HEATR4: variants seen among roughly 807,000 people sequenced by gnomAD.
HEATR4 encodes HEAT repeat-containing protein 4.
In HEATR4, 95 loss-of-function variants were observed where a neutral mutation model predicts 108.8. The ratio of observed to expected loss-of-function variants is 0.87; its 90% CI spans 0.74 to 1.04. HEATR4 has a LOEUF of 1.04. HEATR4 is among the 50% of genes least tolerant of loss of function. The pLI is 0.00. For synonymous variants in HEATR4, 443 were observed against 459.4 expected, an observed-to-expected ratio of 0.96 and a Z score of 0.46; for missense variants, 1,152 against 1,253.8, an observed-to-expected ratio of 0.92 and a Z score of 1.23.
At chr14:73,594,565 G>C in the HEATR4 span, among the ~76,000 whole-genome samples, 1 of 152,182 alleles carries the variant, frequency 6.6e-6, no homozygotes, top group Non-Finnish European at 1.5e-5. Context: ...CTGCACATGG[G>C]AAGAAACTCC....
intron 1 of HEATR4, among the ~76,000 whole-genome samples, chr14:73,555,451 TA>T (rs1423412925): frequency 1.6e-3 from 154 of 98,804 alleles, no homozygotes; most frequent in Non-Finnish European, 1.5e-3. Context: ...TATTCTTAGT[TA>T]AAAAAAAAAA....
chr14:73,596,916 T>G, the HEATR4 span, among the ~76,000 whole-genome samples: 1 of 151,872 alleles, frequency 6.6e-6, no homozygotes, highest in Non-Finnish European at 1.5e-5. Context: ...CATTTATTAA[T>G]ATAAGCGTAT....
chr14:73,595,504 T>C, the HEATR4 span: 1 of 1,613,786 alleles, frequency 6.2e-7, no homozygotes, highest in Admixed American at 1.7e-5. Context: ...TGTGCCCAGC[T>C]TCCCTTCACA....
At chr14:73,484,046 G>A (rs751041319) in intron 17 of HEATR4, among the ~76,000 whole-genome samples, 1 of 151,850 alleles carries the variant, frequency 6.6e-6, no homozygotes, top group African/African-American at 2.4e-5. Flanking sequence ...CAGTAGAGAC[G>A]GGGTTTTACC....
the HEATR4 span, among the ~76,000 whole-genome samples, chr14:73,579,265 TAAAAAAAA>T: frequency 0.089 from 6,307 of 70,966 alleles, 315 homozygotes; most frequent in African/African-American, 0.15. Flanking sequence ...TCAAAAAAAT[TAAAAAAAA>T]AAAAAAAAAA....
chr14:73,591,798 G>A, the HEATR4 span: 1 of 621,562 alleles, frequency 1.6e-6, no homozygotes, highest in Non-Finnish European at 2.4e-6. Context: ...CGGAGCGCCG[G>A]GTTAACCGGT....
chr14:73,486,106 GTTTT>G (rs1279670891), intron 17 of HEATR4, among the ~76,000 whole-genome samples: 1 of 152,152 alleles, frequency 6.6e-6, no homozygotes, highest in East Asian at 1.9e-4. Context: ...TCATCTAAAA[GTTTT>G]TACCAGGGTT....
At position 73,526,323 on chromosome 14, in the gene HEATR4, A is replaced by G. The variant is rs568256047; in HGVS notation, c.-72-3099T>C. ...AGCTGGTTCTGCCACCAGCTGACCA[A>G]AGTGGCCTGGGGCCCTGAATACATA... On this transcript the variant is annotated intron_variant, in intron 2 of 17. Transcript: ENST00000553558. Among the ~76,000 whole-genome samples, 675 of 152,286 alleles carry G rather than the reference A, an allele frequency of 4.4e-3. 8 individuals are homozygous for G. Among genetic ancestry groups the G allele is most frequent in the African/African-American group, 0.016 (650 of 41,566 alleles).
chr14:73,592,532 A>T, the HEATR4 span: 1 of 1,257,252 alleles, frequency 8.0e-7, no homozygotes, highest in East Asian at 2.7e-5. Flanking sequence ...GCTAACATTG[A>T]CTATGTCAGT....
Position 73,519,050 on chromosome 14 carries a change from A to G in HEATR4, c.1183T>C (p.Trp395Arg). 6.2e-7 allele frequency: 1 copy of G among 1,613,390 alleles called. No homozygotes were observed. The highest frequency in any genetic ancestry group is 8.5e-7 in the Non-Finnish European group (1 of 1,179,732). Residue 395 changes from tryptophan (W) to arginine (R), a missense_variant, in exon 5 of 18, where the codon TGG becomes CGG. Physicochemically the swap from Trp to Arg is moderately radical, Grantham distance 101 (BLOSUM62 -3). Coordinates refer to ENST00000553558, the MANE Select transcript of HEATR4 (RefSeq NM_001220484.1). ...SKVFPETPEK[W>R]SAQAIPEASY... is the part of the protein sequence containing the mutation. ...GCTTCAGGAATTGCCTGGGCACTCC[A>G]CTTTTCTGGAGTTTCAGGGAAGACC...
At chr14:73,504,827 T>G (rs1425152181) in intron 10 of HEATR4, among the ~76,000 whole-genome samples, 1 of 152,176 alleles carries the variant, frequency 6.6e-6, no homozygotes, top group Non-Finnish European at 1.5e-5. Context: ...AAGGGAAAGC[T>G]CCCATTTGGA....
the HEATR4 span, chr14:73,593,797 A>T: frequency 6.2e-7 from 1 of 1,614,072 alleles, no homozygotes; most frequent in Admixed American, 1.7e-5. Context: ...TGGCTTTGCC[A>T]CGTTGGCTCT....
intron 1 of HEATR4, chr14:73,539,202 C>G (rs1215258998): frequency 8.7e-6 from 1 of 114,512 alleles, no homozygotes; most frequent in Non-Finnish European, 1.9e-5. Flanking sequence ...CAGCTGCTGC[C>G]CCCTGCAGGG....
At chr14:73,591,635 T>C in the HEATR4 span, 314 of 290,584 alleles carry the variant, frequency 1.1e-3, 1 homozygote, top group African/African-American at 6.4e-3. Context: ...TCACCACAAA[T>C]TGATCATCCA....
the HEATR4 span, among the ~76,000 whole-genome samples, chr14:73,604,380 G>C: frequency 6.6e-6 from 1 of 151,162 alleles, no homozygotes; most frequent in South Asian, 2.1e-4. Flanking sequence ...GGCCAGGCTG[G>C]TCTCAAACTC....
intron 11 of HEATR4, among the ~76,000 whole-genome samples, chr14:73,501,736 GCTAA>G (rs1252410937): frequency 1.3e-5 from 2 of 151,092 alleles, no homozygotes; most frequent in African/African-American, 2.4e-5. Context: ...CACCACACTG[GCTAA>G]CTTTTTATTT....
At chr14:73,610,624 T>C in the HEATR4 span, among the ~76,000 whole-genome samples, 1 of 152,132 alleles carries the variant, frequency 6.6e-6, no homozygotes, top group African/African-American at 2.4e-5. Context: ...GACAAACCTC[T>C]GCCTCCAGAT....
At chr14:73,558,297 A>G (rs1889434337) in intron 1 of HEATR4, among the ~76,000 whole-genome samples, 1 of 140,992 alleles carries the variant, frequency 7.1e-6, no homozygotes, top group African/African-American at 2.7e-5. Flanking sequence ...GCACTCACAC[A>G]GCTATACAGC....
chr14:73,491,049 T>C, intron 17 of HEATR4: 1 of 1,589,148 alleles, frequency 6.3e-7, no homozygotes, highest in Non-Finnish European at 8.6e-7. Flanking sequence ...GCAGGGCCGT[T>C]GAGGCGCGGG....
Sources: gnomAD v4.1 joint callset for allele counts (sites outside exome capture counted in the v4.1 genomes callset) on GRCh38, gnomAD v4.1.1 for gene constraint, MANE v1.5 for transcripts, NCBI Gene and HGNC (gene_info 2026-07-23, HGNC 2026-07-21) for gene names.